The following PARP16 variants were observed in gnomAD, a reference collection of about 807,000 sequenced individuals.
PARP16 encodes the protein poly(ADP-ribose) polymerase family member 16, also known as protein mono-ADP-ribosyltransferase PARP16.
Under a neutral mutation model 35.0 loss-of-function variants are expected in PARP16, and 31 were observed. The ratio of observed to expected loss-of-function variants is 0.88; its 90% CI spans 0.66 to 1.19. The LOEUF (loss-of-function observed/expected upper bound fraction) is 1.19. PARP16 is among the 50% of genes most tolerant of loss of function. PARP16 has a pLI of 0.00. For missense variants in PARP16, 424 were observed against 411.2 expected, an observed-to-expected ratio of 1.03 and a Z score of -0.27; for synonymous variants, 162 against 169.5, an observed-to-expected ratio of 0.96 and a Z score of 0.34.
At chr15:65,266,471 G>C in intron 3 of PARP16, 91 bp downstream of exon 3, 1 of 1,100,896 alleles carries the variant, frequency 9.1e-7, no homozygotes, top group Non-Finnish European at 1.4e-6. Flanking sequence ...GACCCCACCT[G>C]CAAACTCCTA....
intron 4 of PARP16, among the ~76,000 whole-genome samples, chr15:65,262,411 C>T (rs1421833437): frequency 6.6e-6 from 1 of 152,184 alleles, no homozygotes; most frequent in Admixed American, 6.5e-5. Context: ...GGATTACAGG[C>T]GTGAGCCATA....
chr15:65,256,919 T>C (rs1464514342), downstream of PARP16, among the ~76,000 whole-genome samples: 1 of 152,224 alleles, frequency 6.6e-6, no homozygotes, highest in Non-Finnish European at 1.5e-5. Flanking sequence ...GGTTATGTGA[T>C]TGACGCTGAA....
chr15:65,231,343 C>G (rs8027881), downstream of PARP16, among the ~76,000 whole-genome samples: 39,784 of 151,994 alleles, frequency 0.26, 5,678 homozygotes, highest in African/African-American at 0.36. Context: ...TTACGTATAT[C>G]CTATTGTTTG....
chr15:65,251,159 C>T (rs2089348621), intron 2 of PARP16, among the ~76,000 whole-genome samples: 2 of 152,178 alleles, frequency 1.3e-5, no homozygotes, highest in Non-Finnish European at 2.9e-5. Context: ...GCTGGGATTA[C>T]AGGCATGAGT....
intron 3 of PARP16, among the ~76,000 whole-genome samples, chr15:65,241,393 G>A (rs1463792662): frequency 6.6e-6 from 1 of 152,066 alleles, no homozygotes; most frequent in East Asian, 1.9e-4. Context: ...CGCCCACCTT[G>A]GCCTCCCAAA....
chr15:65,254,563 G>A (rs1190483862), downstream of PARP16, among the ~76,000 whole-genome samples: 1 of 152,066 alleles, frequency 6.6e-6, no homozygotes, highest in Non-Finnish European at 1.5e-5. Context: ...GAGGGGAGCG[G>A]GGAGAGAGAC....
At chr15:65,270,305 G>A (rs1451844397) in intron 2 of PARP16, among the ~76,000 whole-genome samples, 7 of 152,156 alleles carry the variant, frequency 4.6e-5, no homozygotes, top group African/African-American at 1.7e-4. Context: ...TGCTGGGGGG[G>A]TGACACACAT....
At chr15:65,266,834 C>T in intron 2 of PARP16, 66 bp from the exon 3 acceptor site, 1 of 1,164,432 alleles carries the variant, frequency 8.6e-7, no homozygotes, top group Non-Finnish European at 1.3e-6. Context: ...AAAAATAGCC[C>T]CCTAAACTCT....
At chr15:65,245,360 C>T (rs2089182410) in intron 3 of PARP16, among the ~76,000 whole-genome samples, 1 of 152,200 alleles carries the variant, frequency 6.6e-6, no homozygotes, top group East Asian at 1.9e-4. Context: ...TCTGCAGGGG[C>T]AGAACATGAG....
chr15:65,256,707 G>A (rs368208369), downstream of PARP16, among the ~76,000 whole-genome samples: 11 of 151,776 alleles, frequency 7.2e-5, no homozygotes, highest in Non-Finnish European at 7.4e-5. Context: ...GCGCCCGGCC[G>A]CCCACAGCTT....
At chr15:65,232,562 A>C (rs957184668), downstream of PARP16, among the ~76,000 whole-genome samples, 1 of 151,920 alleles carries the variant, frequency 6.6e-6, no homozygotes, top group African/African-American at 2.4e-5. Context: ...CTAATCACTC[A>C]CTCCCATGAG....
chr15:65,246,230 A>T (rs984165648), intron 3 of PARP16, among the ~76,000 whole-genome samples: 1 of 152,170 alleles, frequency 6.6e-6, no homozygotes, highest in African/African-American at 2.4e-5. Flanking sequence ...TTGGGAGAGC[A>T]TAAGAGCTGC....
At chr15:65,269,205 T>TCTCTCTCTCTCTCTCTCCTC (rs1567029678) in intron 2 of PARP16, among the ~76,000 whole-genome samples, 8 of 147,292 alleles carry the variant, frequency 5.4e-5, no homozygotes, top group African/African-American at 2.1e-4. Context: ...TCTTTCTTTC[T>TCTCTCTCTCTCTCTCTCCTC]TTTTTTTTTG....
intron 1 of PARP16, among the ~76,000 whole-genome samples, chr15:65,285,008 G>C (rs1456492389): frequency 6.6e-6 from 1 of 151,628 alleles, no homozygotes; most frequent in Non-Finnish European, 1.5e-5. Flanking sequence ...TTTTTGCCTA[G>C]GCTGGTCTCA....
intron 1 of PARP16, among the ~76,000 whole-genome samples, chr15:65,279,679 C>T (rs2090359953): frequency 6.6e-6 from 1 of 152,164 alleles, no homozygotes; most frequent in Admixed American, 6.5e-5. Context: ...ACCTAATAGG[C>T]ACTTTTATTA....
At chr15:65,253,673 G>A (rs956014497), downstream of PARP16, among the ~76,000 whole-genome samples, 1 of 152,066 alleles carries the variant, frequency 6.6e-6, no homozygotes, top group Non-Finnish European at 1.5e-5. Context: ...CCTCTACTGT[G>A]ATAGGGAAGT....
chr15:65,254,194 C>G (rs74023714), downstream of PARP16, among the ~76,000 whole-genome samples: 1,182 of 152,332 alleles, frequency 7.8e-3, 20 homozygotes, highest in African/African-American at 0.027. Context: ...GCTGCTTTCC[C>G]TTTTCAGGGC....
rs1458149862 is a variant in PARP16 at position 65,259,407 on chromosome 15, T to G, written c.969A>C (p.Ter323TyrextTer66). The stretch of plus-strand genomic sequence containing the variant: ...AGCCCCCACACCAGGCCCAGAAAGA[T>G]TATCTTTTCGCACGATTCCAAAAGT... ...FQHFWNRAKR* is the reference protein window; with the variant it reads ...FQHFWNRAKRY The change falls in exon 6 of 6, where the codon TAA becomes TAC. Residue 323 changes from the stop codon to tyrosine, a stop_lost. Transcript: ENST00000649807. 6.2e-7 allele frequency: 1 copy of G among 1,613,994 alleles called. No homozygotes were observed. Among genetic ancestry groups the G allele is most frequent in the Non-Finnish European group, 8.5e-7 (1 of 1,179,982 alleles).
Position 65,286,647 on chromosome 15 carries a change from C to A in PARP16, c.-221G>T, listed in dbSNP as rs1343786231. ...CGCGGCTCGCCGCCGAAGAGAGAGA[C>A]CGAGGCCTGGACCGCGGGTCGGCGG... On this transcript the variant is annotated 5_prime_UTR_variant, in exon 1 of 6. Transcript: ENST00000649807. 1.6e-5 allele frequency: 7 copies of A among 431,958 alleles called. No homozygotes were observed. The highest frequency in any genetic ancestry group is 1.3e-4 in the Admixed American group (3 of 22,850). The allele number at this position is 431,958 out of a possible 1,614,324, so 26.8% of individuals were successfully genotyped here.
Sources: allele counts gnomAD v4.1 joint callset (sites outside exome capture counted in the v4.1 genomes callset), GRCh38; gene constraint gnomAD v4.1.1; transcripts MANE v1.5; gene names NCBI Gene and HGNC (gene_info 2026-07-23, HGNC 2026-07-21).